The following ZFAT variants were observed in gnomAD, a reference collection of about 807,000 sequenced individuals.
The protein encoded by ZFAT is zinc finger and AT-hook domain containing.
In ZFAT, 64 loss-of-function variants were observed where a neutral mutation model predicts 117.7. The ratio of observed to expected loss-of-function variants is 0.54; its 90% CI spans 0.44 to 0.67. The LOEUF is 0.67. ZFAT is among the 30% of genes least tolerant of loss of function. The pLI is 0.00. For synonymous variants in ZFAT, 679 were observed against 615.0 expected (o/e 1.10, Z -1.54); for missense variants, 1,433 against 1,584.5 (o/e 0.90, Z 1.62).
chr8:134,720,003 A>G, the ZFAT span, among the ~76,000 whole-genome samples: 7 of 152,268 alleles, frequency 4.6e-5, no homozygotes, highest in African/African-American at 1.7e-4. Context: ...GAACACAAAC[A>G]GCACAAGCAC....
chr8:134,478,768 G>A lies in ZFAT; in HGVS notation c.3493-47C>T, dbSNP rs1357767295. The A allele has an allele frequency of 6.6e-7, 1 of 1,525,868 alleles. No individual in the cohort carries two copies. Among genetic ancestry groups the A allele is most frequent in the Non-Finnish European group, 8.8e-7 (1 of 1,135,274 alleles). 94.5% of individuals were successfully genotyped at this position (1,525,868 alleles called of 1,614,324 possible). On this transcript the variant is annotated intron_variant, in intron 15 of 15. Transcript: ENST00000377838. This position sits in a 1 kb window ranked among gnomAD's most constrained non-coding sequence, Gnocchi z 5.2. ...AAGGTCACCCAGCGCCTACTTCCCG[G>A]TCCAGCGTAACAACAAAGTCACAAC...
At chr8:134,537,830 T>C (rs16905167) in intron 11 of ZFAT, among the ~76,000 whole-genome samples, 56,453 of 151,880 alleles carry the variant, frequency 0.37, 11,146 homozygotes, top group Admixed American at 0.5. Flanking sequence ...GTGAAGAAGG[T>C]AAAACCAGTC....
chr8:134,713,709 TG>T (rs1349852033), upstream of ZFAT, among the ~76,000 whole-genome samples: 2 of 152,196 alleles, frequency 1.3e-5, no homozygotes, highest in African/African-American at 4.8e-5. Flanking sequence ...GGAAATTTAA[TG>T]ACTTTGTTTT....
chr8:134,573,710 A>G (rs1262441337), intron 10 of ZFAT, among the ~76,000 whole-genome samples: 4 of 152,258 alleles, frequency 2.6e-5, no homozygotes, highest in African/African-American at 4.8e-5. Context: ...AAGGTGAGGC[A>G]TATCTTTGCA....
At chr8:134,797,964 CTGAG>C in the ZFAT span, 2 of 149,790 alleles carry the variant, frequency 1.3e-5, no homozygotes, top group Admixed American at 6.6e-5. Flanking sequence ...ATATGTTGCA[CTGAG>C]TAACACTTTT....
chr8:134,683,878 T>G (rs1015384515), intron 1 of ZFAT, among the ~76,000 whole-genome samples: 1 of 151,784 alleles, frequency 6.6e-6, no homozygotes, highest in African/African-American at 2.4e-5. Flanking sequence ...GTAGTTGGAA[T>G]CCCCTGATTT....
chr8:134,507,436 G>C (rs1355600892), intron 15 of ZFAT, among the ~76,000 whole-genome samples: 1 of 152,112 alleles, frequency 6.6e-6, no homozygotes, highest in Non-Finnish European at 1.5e-5. Flanking sequence ...AGGCAGACAA[G>C]ATAATGGCCA....
intron 8 of ZFAT, 81 bp downstream of exon 8, chr8:134,590,187 G>C (rs1045270661): frequency 2.9e-6 from 3 of 1,029,976 alleles, no homozygotes; most frequent in African/African-American, 1.6e-5. Context: ...TCTATATAGT[G>C]CAGTTAATGT....
intron 3 of ZFAT, among the ~76,000 whole-genome samples, chr8:134,633,446 C>T (rs1157124045): frequency 1.3e-5 from 2 of 152,202 alleles, no homozygotes; most frequent in Non-Finnish European, 2.9e-5. Flanking sequence ...GGACTGTTCA[C>T]CTGAGTAGTG....
chr8:134,551,887 C>G (rs1441126483), intron 11 of ZFAT, among the ~76,000 whole-genome samples: 1 of 152,128 alleles, frequency 6.6e-6, no homozygotes, highest in East Asian at 1.9e-4. Flanking sequence ...ATTTCATCAT[C>G]AGGAATGCAA....
chr8:134,638,606 G>A (rs1269402747), intron 2 of ZFAT, among the ~76,000 whole-genome samples: 1 of 150,622 alleles, frequency 6.6e-6, no homozygotes, highest in African/African-American at 2.4e-5. Context: ...GCGGGCACCT[G>A]TAGTCCCAGC....
chr8:134,769,009 C>CA, the ZFAT span, among the ~76,000 whole-genome samples: 2 of 152,018 alleles, frequency 1.3e-5, no homozygotes, highest in Admixed American at 1.3e-4. Flanking sequence ...CCCATCTCTA[C>CA]AAAAATACAA....
intron 1 of ZFAT, among the ~76,000 whole-genome samples, chr8:134,684,609 G>A (rs1272664290): frequency 1.3e-5 from 2 of 152,080 alleles, no homozygotes; most frequent in African/African-American, 4.8e-5. Flanking sequence ...GACAGGGTAG[G>A]GATATGTCTT....
intron 3 of ZFAT, among the ~76,000 whole-genome samples, chr8:134,616,535 T>C (rs952256902): frequency 1.2e-4 from 18 of 152,242 alleles, no homozygotes; most frequent in African/African-American, 4.3e-4. Flanking sequence ...ACATGTATCA[T>C]GGCCTTTCAA....
chr8:134,742,710 C>G, the ZFAT span, among the ~76,000 whole-genome samples: 1 of 152,224 alleles, frequency 6.6e-6, no homozygotes, highest in African/African-American at 2.4e-5. Context: ...GTGCTCCCTT[C>G]CCTCTCTTCC....
intron 3 of ZFAT, among the ~76,000 whole-genome samples, chr8:134,627,589 C>CA (rs1829602118): frequency 6.6e-6 from 1 of 152,196 alleles, no homozygotes; most frequent in South Asian, 2.1e-4. Context: ...TGTACCTACC[C>CA]AGGGCCTCAT....
chr8:134,589,991 C>T (rs777734234), intron 8 of ZFAT, among the ~76,000 whole-genome samples: 3 of 152,122 alleles, frequency 2.0e-5, no homozygotes, highest in South Asian at 4.1e-4. Context: ...TGCGACCCAT[C>T]GAAAGGCATG....
At chr8:134,823,728 A>C in the ZFAT span, among the ~76,000 whole-genome samples, 1 of 152,248 alleles carries the variant, frequency 6.6e-6, no homozygotes, top group South Asian at 2.1e-4. Context: ...ACAGGCAGCC[A>C]AGGCTGTATA....
intron 10 of ZFAT, among the ~76,000 whole-genome samples, chr8:134,581,649 G>A (rs1454152047): frequency 3.3e-5 from 5 of 152,086 alleles, no homozygotes; most frequent in Non-Finnish European, 7.4e-5. Context: ...GCAGTGGTGC[G>A]ATCTTGGCTC....
Sources: gnomAD v4.1 joint callset for allele counts (sites outside exome capture counted in the v4.1 genomes callset) on GRCh38, gnomAD v4.1.1 for gene constraint, Gnocchi (gnomAD v3.1) non-coding constraint, MANE v1.5 for transcripts, NCBI Gene and HGNC (gene_info 2026-07-23, HGNC 2026-07-21) for gene names.